Variants in NEDD4 observed in about 807,000 individuals in gnomAD.
NEDD4 encodes the protein NEDD4 E3 ubiquitin protein ligase, also known as E3 ubiquitin-protein ligase NEDD4.
In NEDD4, 99 loss-of-function variants were observed where a neutral mutation model predicts 144.9. The observed-to-expected ratio is 0.68, with a 90% CI of 0.58 to 0.81. NEDD4 has a LOEUF of 0.81. NEDD4 is among the 30% of genes least tolerant of loss of function. The probability of loss-of-function intolerance (pLI) is 0.00; values close to 1 mark genes in which losing one functional copy is unlikely to be tolerated. For missense variants in NEDD4, 985 were observed against 1,065.9 expected, an observed-to-expected ratio of 0.92 and a Z score of 1.06; for synonymous variants, 318 against 350.6, an observed-to-expected ratio of 0.91 and a Z score of 1.04.
rs900021594 is a variant in NEDD4 at position 55,842,083 on chromosome 15, G to C, written c.1689C>G (p.Val563=). 1.2e-6 allele frequency: 2 copies of C among 1,614,020 alleles called. No individual in the cohort carries two copies. Among genetic ancestry groups the C allele is most frequent in the African/African-American group, 2.7e-5 (2 of 74,896 alleles). ...LEDSYRRIMG[V]KRADFLKARL... is the part of the protein sequence containing the mutation. ...GAGCCTTCAGGAAGTCTGCTCTCTT[G>C]ACACCCATAATTCTCCGGTAAGAGT... The change falls in exon 19 of 29, where the codon GTC becomes GTG. Residue 563 remains valine, a synonymous_variant. Coordinates refer to ENST00000435532, the MANE Select transcript of NEDD4 (RefSeq NM_006154.4).
intron 5 of NEDD4, among the ~76,000 whole-genome samples, chr15:55,911,598 C>T (rs562299793): frequency 2.0e-5 from 3 of 151,564 alleles, no homozygotes; most frequent in South Asian, 4.2e-4. Flanking sequence ...GGCGCGATCT[C>T]GACTCACTGC....
At chr15:55,920,596 T>C (rs1284845928) in intron 5 of NEDD4, among the ~76,000 whole-genome samples, 7 of 152,228 alleles carry the variant, frequency 4.6e-5, no homozygotes, top group Non-Finnish European at 1.0e-4. Flanking sequence ...CAAATATCAC[T>C]TACATTACAA....
At chr15:55,838,037 G>T in intron 23 of NEDD4, 70 bp downstream of exon 23, 2 of 1,030,690 alleles carry the variant, frequency 1.9e-6, no homozygotes, top group Non-Finnish European at 2.9e-6. Flanking sequence ...GAGAAAGATG[G>T]TAAGAAGAGT....
chr15:55,965,788 G>A (rs1173483547), intron 2 of NEDD4, among the ~76,000 whole-genome samples: 4 of 151,996 alleles, frequency 2.6e-5, no homozygotes, highest in East Asian at 3.9e-4. Flanking sequence ...TGCAACCTCC[G>A]CCTCCTGGGT....
At position 55,951,685 on chromosome 15, in the gene NEDD4, T is replaced by C. The variant is rs1397365564; in HGVS notation, c.120-96A>G. On this transcript the variant is annotated intron_variant, in intron 2 of 28. Coordinates refer to ENST00000435532, the MANE Select transcript of NEDD4 (RefSeq NM_006154.4). ...CTATAAAATTCACAGTTTTCCTTGT[T>C]AGTTATATCTACAATTATTTCCTGA... 7.0e-6 allele frequency: 6 copies of C among 856,218 alleles called. No homozygotes were observed. In the African/African-American group the frequency reaches 1.1e-4, roughly 15 times the overall value. The allele number at this position is 856,218 out of a possible 1,614,324, so 53.0% of individuals were successfully genotyped here.
intron 6 of NEDD4, among the ~76,000 whole-genome samples, chr15:55,872,753 T>G (rs2034848225): frequency 6.6e-6 from 1 of 151,554 alleles, no homozygotes; most frequent in Admixed American, 6.6e-5. Flanking sequence ...CAGTATAGAG[T>G]GGTTAGTATG....
intron 7 of NEDD4, 127 bp from the exon 8 acceptor site, chr15:55,869,808 C>T (rs1595773813): frequency 6.9e-6 from 4 of 577,006 alleles, no homozygotes; most frequent in African/African-American, 5.8e-5. Flanking sequence ...AGACAAGTTC[C>T]AGGGCAGAAG....
chr15:55,847,893 C>T (rs1011606598), intron 17 of NEDD4, among the ~76,000 whole-genome samples: 4 of 151,902 alleles, frequency 2.6e-5, no homozygotes, highest in Non-Finnish European at 5.9e-5. Context: ...TTGGCCGGGC[C>T]GGTCTCGAAC....
intron 5 of NEDD4, among the ~76,000 whole-genome samples, chr15:55,901,606 T>C (rs1219752833): frequency 6.6e-6 from 1 of 152,200 alleles, no homozygotes; most frequent in African/African-American, 2.4e-5. Context: ...TGGTTTCTTA[T>C]GAAGAAGTGC....
At chr15:55,903,485 T>C (rs1250697132) in intron 5 of NEDD4, among the ~76,000 whole-genome samples, 3 of 152,136 alleles carry the variant, frequency 2.0e-5, no homozygotes, top group Non-Finnish European at 4.4e-5. Context: ...GCACATGAAG[T>C]ATGCTGTTTT....
intron 5 of NEDD4, among the ~76,000 whole-genome samples, chr15:55,919,199 T>C (rs1248379922): frequency 6.6e-6 from 1 of 152,164 alleles, no homozygotes; most frequent in Non-Finnish European, 1.5e-5. Context: ...GGGCTCAAAG[T>C]AAGTACCAGA....
chr15:55,834,067 T>G lies in NEDD4; in HGVS notation c.2401A>C (p.Asn801His), dbSNP rs765774868. 1.1e-5 allele frequency: 18 copies of G among 1,613,462 alleles called. No individual in the cohort carries two copies. The African/African-American group carries it at 2.3e-4, about 20-fold the overall frequency. ...CAAAACCACTGTATAACCTGATGAT[T>G]TGCACTGTAGCCATTTTTATACTTT... The part of the protein sequence containing the change: ...HTKYKNGYSA[N>H]HQVIQWFWKA... The change falls in exon 26 of 29, where the codon AAT becomes CAT. Residue 801 changes from asparagine (N) to histidine (H), a missense_variant. Transcript: ENST00000435532.
chr15:55,852,233 T>G (rs143533500), intron 13 of NEDD4, among the ~76,000 whole-genome samples, 191 bp downstream of exon 13: 1 of 150,862 alleles, frequency 6.6e-6, no homozygotes, highest in Non-Finnish European at 1.5e-5. Flanking sequence ...GAGGCAGAGG[T>G]GCAGTGAGCC....
At chr15:55,883,040 T>A (rs1372303124) in intron 5 of NEDD4, among the ~76,000 whole-genome samples, 1 of 152,130 alleles carries the variant, frequency 6.6e-6, no homozygotes, top group Non-Finnish European at 1.5e-5. Context: ...GTATTACAGT[T>A]TAGGTACCAG....
chr15:55,906,689 A>G (rs1253306110), intron 5 of NEDD4, among the ~76,000 whole-genome samples: 2 of 152,170 alleles, frequency 1.3e-5, no homozygotes, highest in African/African-American at 4.8e-5. Context: ...GTAAATGACG[A>G]GTTAATGGGT....
intron 24 of NEDD4, among the ~76,000 whole-genome samples, chr15:55,835,343 T>C (rs1294797589): frequency 3.9e-5 from 6 of 152,206 alleles, no homozygotes; most frequent in African/African-American, 1.4e-4. Flanking sequence ...ATCTTTTCTA[T>C]TGAAACTCTG....
intron 5 of NEDD4, among the ~76,000 whole-genome samples, chr15:55,892,955 G>A (rs979954027): frequency 6.6e-6 from 1 of 151,868 alleles, no homozygotes; most frequent in Non-Finnish European, 1.5e-5. Flanking sequence ...CAAATCTTTT[G>A]CTACCACAAA....
In NEDD4 at chr15:55,963,138, T is replaced by TA. The variant is rs201093932; in HGVS notation, c.119+3334_119+3335insT. Among the ~76,000 whole-genome samples, 17 of 149,102 alleles carry TA rather than the reference T, an allele frequency of 1.1e-4. No individual in the cohort carries two copies. In the South Asian group the frequency reaches 1.3e-3, roughly 11 times the overall value. ...TCCTTTTCTGGCACTCTTTTTTATT[T>TA]TTTTTTTTTTTGAGACAGGGTCTCA... is the stretch of plus-strand genomic sequence containing the variant. On this transcript the variant is annotated intron_variant, in intron 2 of 28. Coordinates refer to ENST00000435532, the MANE Select transcript of NEDD4 (RefSeq NM_006154.4).
chr15:55,856,260 C>A, intron 11 of NEDD4, 64 bp from the exon 12 acceptor site: 5 of 1,410,276 alleles, frequency 3.5e-6, no homozygotes, highest in Non-Finnish European at 5.0e-6. Flanking sequence ...TGAGTGACAG[C>A]TAAGGTAGTG....
Sources: allele counts gnomAD v4.1 joint callset (sites outside exome capture counted in the v4.1 genomes callset), GRCh38; gene constraint gnomAD v4.1.1; transcripts MANE v1.5; gene names NCBI Gene and HGNC (gene_info 2026-07-23, HGNC 2026-07-21).